AGPAT4: variants seen among roughly 807,000 people sequenced by gnomAD.
AGPAT4 encodes 1-acyl-sn-glycerol-3-phosphate acyltransferase delta.
AGPAT4 carries 15 observed loss-of-function variants against 48.0 expected under a neutral mutation model. The observed-to-expected ratio is 0.31, with a 90% CI of 0.21 to 0.48. The LOEUF (loss-of-function observed/expected upper bound fraction) is 0.48. AGPAT4 is among the 20% of genes least tolerant of loss of function. The pLI is 0.99. For missense variants in AGPAT4, 314 were observed against 482.5 expected, an observed-to-expected ratio of 0.65 and a Z score of 3.27; for synonymous variants, 178 against 198.7, an observed-to-expected ratio of 0.90 and a Z score of 0.88.
In AGPAT4 at chr6:161,139,743, G is replaced by T; in HGVS notation, c.844-123C>A. Reference sequence around the variant, plus strand: ...GTGCCACCGGGGCTCGGCAGAACTGGGGTCTGCAGCTCCTTCCAGAAAGCA... The same window carrying T: ...GTGCCACCGGGGCTCGGCAGAACTGTGGTCTGCAGCTCCTTCCAGAAAGCA... On this transcript the variant is annotated intron_variant, in intron 7 of 8. Coordinates refer to ENST00000320285, the MANE Select transcript of AGPAT4 (RefSeq NM_020133.3). This position sits in a 1 kb window ranked among gnomAD's most constrained non-coding sequence, Gnocchi z 9.1. 1.2e-6 allele frequency: 1 copy of T among 802,846 alleles called. No individual in the cohort carries two copies. Among genetic ancestry groups the T allele is most frequent in the Non-Finnish European group, 2.0e-6 (1 of 511,718 alleles). 49.7% of individuals were successfully genotyped at this position (802,846 alleles called of 1,614,324 possible).
chr6:161,273,323 C>A (rs1434316461), intron 1 of AGPAT4, among the ~76,000 whole-genome samples: 6 of 152,162 alleles, frequency 3.9e-5, no homozygotes, highest in African/African-American at 1.4e-4. Context: ...TCCCCCACCC[C>A]TCCTGTGATA....
rs983674724 is a variant in AGPAT4 at position 161,225,859 on chromosome 6, C to G, written c.178+6177G>C. On this transcript the variant is annotated intron_variant, in intron 2 of 8. Coordinates refer to ENST00000320285, the MANE Select transcript of AGPAT4 (RefSeq NM_020133.3). This position sits in a 1 kb window ranked among gnomAD's most constrained non-coding sequence, Gnocchi z 5.0. ...TTGCCTTTGGGTTAGAATCTTAGAGCCACAGGCAGAAGGAGGCCTAGGCGG... is the reference window on the plus strand; with the variant it reads ...TTGCCTTTGGGTTAGAATCTTAGAGGCACAGGCAGAAGGAGGCCTAGGCGG... 6.6e-6 allele frequency among the ~76,000 whole-genome samples: 1 copy of G among 152,208 alleles called. No homozygotes were observed. The highest frequency in any genetic ancestry group is 2.4e-5 in the African/African-American group (1 of 41,462).
chr6:161,156,511 G>A (rs908587333), intron 3 of AGPAT4, among the ~76,000 whole-genome samples: 1 of 152,216 alleles, frequency 6.6e-6, no homozygotes, highest in Non-Finnish European at 1.5e-5. Context: ...ACTGTGTAAT[G>A]GCTAGGCAAT....
Position 161,171,792 on chromosome 6 carries a change from C to T in AGPAT4, c.179-5375G>A, listed in dbSNP as rs1336243786. 2.0e-5 allele frequency among the ~76,000 whole-genome samples: 3 copies of T among 151,882 alleles called. No homozygotes were observed. Among genetic ancestry groups the T allele is most frequent in the South Asian group, 2.1e-4 (1 of 4,814 alleles). On this transcript the variant is annotated intron_variant, in intron 2 of 8. Transcript: ENST00000320285. This position sits in a 1 kb window ranked among gnomAD's most constrained non-coding sequence, Gnocchi z 4.4. ...GCAGGCACCTGTAGTCCCAGCTACT[C>T]GGGAGTCTGAGGCAGGAGAATGGCA...
At chr6:161,185,799 G>A (rs983630872) in intron 2 of AGPAT4, among the ~76,000 whole-genome samples, 1 of 152,180 alleles carries the variant, frequency 6.6e-6, no homozygotes, top group Non-Finnish European at 1.5e-5. Flanking sequence ...AGCCGGAAGA[G>A]AGACAAAGAC....
rs890791898 is a variant in AGPAT4 at position 161,240,061 on chromosome 6, A to G, written c.-89-7759T>C. The stretch of plus-strand genomic sequence containing the variant: ...AAGACCCACCAAATGGAATAGGTGA[A>G]GTGTCACTAAAATAGGTTTGCAGTA... On this transcript the variant is annotated intron_variant, in intron 1 of 8. Coordinates refer to ENST00000320285, the MANE Select transcript of AGPAT4 (RefSeq NM_020133.3). This position sits in a 1 kb window ranked among gnomAD's most constrained non-coding sequence, Gnocchi z 5.5. 3.9e-5 allele frequency among the ~76,000 whole-genome samples: 6 copies of G among 152,216 alleles called. No individual in the cohort carries two copies. Among genetic ancestry groups the G allele is most frequent in the African/African-American group, 1.4e-4 (6 of 41,450 alleles).
Position 161,140,064 on chromosome 6 carries a change from G to T in AGPAT4, c.844-444C>A, listed in dbSNP as rs557085309. Among the ~76,000 whole-genome samples, 2 of 152,302 alleles carry T rather than the reference G, an allele frequency of 1.3e-5. No homozygotes were observed. Among genetic ancestry groups the T allele is most frequent in the East Asian group, 3.9e-4 (2 of 5,170 alleles). On this transcript the variant is annotated intron_variant, in intron 7 of 8. Coordinates refer to ENST00000320285, the MANE Select transcript of AGPAT4 (RefSeq NM_020133.3). The surrounding 1 kb of genome is among the most constrained non-coding windows in gnomAD (Gnocchi z 6.5). ...GGGACACTCGGTGGAGACCTGGCCCGCAGTCAGGAGGAGCTCGCCCAGCCC... is the reference window on the plus strand; with the variant it reads ...GGGACACTCGGTGGAGACCTGGCCCTCAGTCAGGAGGAGCTCGCCCAGCCC...
chr6:161,213,914 T>C (rs1424403146), intron 2 of AGPAT4, among the ~76,000 whole-genome samples: 1 of 152,138 alleles, frequency 6.6e-6, no homozygotes, highest in Non-Finnish European at 1.5e-5. Context: ...AAAAATTTTT[T>C]AAAGTGGGGG....
rs576810672 is a variant in AGPAT4 at position 161,169,008 on chromosome 6, T to A, written c.179-2591A>T. Among the ~76,000 whole-genome samples the A allele has an allele frequency of 1.2e-4, 18 of 152,182 alleles. No individual in the cohort carries two copies. In the South Asian group the frequency reaches 3.1e-3, roughly 26 times the overall value. ...GACATGGGGCATAGCAGGCAATCAA[T>A]AAATGGACAGCTTTTTAATTACTAT... On this transcript the variant is annotated intron_variant, in intron 2 of 8. Transcript: ENST00000320285. This position sits in a 1 kb window ranked among gnomAD's most constrained non-coding sequence, Gnocchi z 5.0.
chr6:161,267,237 T>C lies in AGPAT4; in HGVS notation c.-90+6701A>G, dbSNP rs753912680. On this transcript the variant is annotated intron_variant, in intron 1 of 8. Coordinates refer to ENST00000320285, the MANE Select transcript of AGPAT4 (RefSeq NM_020133.3). The surrounding 1 kb of genome is among the most constrained non-coding windows in gnomAD (Gnocchi z 5.2). Reference sequence around the variant, plus strand: ...TTTCCCTTCTCCCACCATCTCTGGCTAAACCATAATAAAAACAACACTCCC... The same window carrying C: ...TTTCCCTTCTCCCACCATCTCTGGCCAAACCATAATAAAAACAACACTCCC... Among the ~76,000 whole-genome samples the C allele has an allele frequency of 5.3e-5, 8 of 152,214 alleles. No homozygotes were observed. Among genetic ancestry groups the C allele is most frequent in the African/African-American group, 1.4e-4 (6 of 41,460 alleles).
chr6:161,171,920 A>C lies in AGPAT4; in HGVS notation c.179-5503T>G, dbSNP rs1007737912. On this transcript the variant is annotated intron_variant, in intron 2 of 8. Transcript: ENST00000320285. This position sits in a 1 kb window ranked among gnomAD's most constrained non-coding sequence, Gnocchi z 4.4. ...ATCTCAAAAACAAAAAACAAAAAAC[A>C]AAAAACCAAAAGTTTCCAACACATG... Among the ~76,000 whole-genome samples, 1 of 151,540 alleles carries C rather than the reference A, an allele frequency of 6.6e-6. No individual in the cohort carries two copies. The highest frequency in any genetic ancestry group is 1.5e-5 in the Non-Finnish European group (1 of 67,978).
At position 161,266,112 on chromosome 6, in the gene AGPAT4, T is replaced by G. The variant is rs1420215122; in HGVS notation, c.-90+7826A>C. 2.0e-5 allele frequency among the ~76,000 whole-genome samples: 3 copies of G among 152,118 alleles called. No homozygotes were observed. Among genetic ancestry groups the G allele is most frequent in the Non-Finnish European group, 4.4e-5 (3 of 68,026 alleles). ...CTAGGGGATTTTTGGCTGTCACAAGTAGGAGTGGGGTGACTACTCCTGGCA... is the reference window on the plus strand; with the variant it reads ...CTAGGGGATTTTTGGCTGTCACAAGGAGGAGTGGGGTGACTACTCCTGGCA... On this transcript the variant is annotated intron_variant, in intron 1 of 8. Transcript: ENST00000320285. This position sits in a 1 kb window ranked among gnomAD's most constrained non-coding sequence, Gnocchi z 6.2.
rs1007310819 is a variant in AGPAT4, at chr6:161,242,727, A to G, written c.-89-10425T>C. Among the ~76,000 whole-genome samples the G allele has an allele frequency of 6.6e-6, 1 of 152,230 alleles. No homozygotes were observed. On this transcript the variant is annotated intron_variant, in intron 1 of 8. Transcript: ENST00000320285. The surrounding 1 kb of genome is among the most constrained non-coding windows in gnomAD (Gnocchi z 5.0). The stretch of plus-strand genomic sequence containing the variant: ...GATAAATCCAAACAGAAATGAAAAA[A>G]ATTAATCTTCCAAACAGGGGAAACG...
intron 1 of AGPAT4, among the ~76,000 whole-genome samples, chr6:161,239,204 T>C (rs548384649): frequency 2.7e-4 from 41 of 152,300 alleles, no homozygotes; most frequent in African/African-American, 8.9e-4. Flanking sequence ...AGGCAGATGG[T>C]ACCATATGCT....
In AGPAT4 at chr6:161,158,850, C is replaced by G. The variant is rs1452492295; in HGVS notation, c.349-4540G>C. Reference sequence around the variant, plus strand: ...GCATGGCTGGGAGCAGCAGGGTATCCTGCTCCTGCACCGCCTCCACCCCCA... The same window carrying G: ...GCATGGCTGGGAGCAGCAGGGTATCGTGCTCCTGCACCGCCTCCACCCCCA... On this transcript the variant is annotated intron_variant, in intron 3 of 8. Transcript: ENST00000320285. This position sits in a 1 kb window ranked among gnomAD's most constrained non-coding sequence, Gnocchi z 5.3. Among the ~76,000 whole-genome samples, 1 of 152,194 alleles carries G rather than the reference C, an allele frequency of 6.6e-6. No individual in the cohort carries two copies. Among genetic ancestry groups the G allele is most frequent in the Non-Finnish European group, 1.5e-5 (1 of 68,022 alleles).
intron 2 of AGPAT4, among the ~76,000 whole-genome samples, chr6:161,230,877 T>C (rs1215927288): frequency 6.6e-6 from 1 of 152,228 alleles, no homozygotes; most frequent in Non-Finnish European, 1.5e-5. Flanking sequence ...TCCAAAATAG[T>C]ATCAGGCCTA....
rs1780487634 is a variant in AGPAT4, at chr6:161,178,399, G to C, written c.179-11982C>G. ...GATCAGACTTCTGTGCTAGCAATGAGCAAGGCTCCGTGGGCGTCGGACCCT... is the reference window on the plus strand; with the variant it reads ...GATCAGACTTCTGTGCTAGCAATGACCAAGGCTCCGTGGGCGTCGGACCCT... On this transcript the variant is annotated intron_variant, in intron 2 of 8. Transcript: ENST00000320285. The surrounding 1 kb of genome is among the most constrained non-coding windows in gnomAD (Gnocchi z 5.1). Among the ~76,000 whole-genome samples the C allele has an allele frequency of 6.6e-6, 1 of 152,244 alleles. No individual in the cohort carries two copies.
In AGPAT4 at chr6:161,267,276, AG is replaced by A. The variant is rs1336229259; in HGVS notation, c.-90+6661del. 6.6e-6 allele frequency among the ~76,000 whole-genome samples: 1 copy of A among 152,208 alleles called. No homozygotes were observed. The highest frequency in any genetic ancestry group is 1.9e-4 in the East Asian group (1 of 5,196). The stretch of plus-strand genomic sequence containing the variant: ...AACAACACTCCCTGAAAACTATAGT[AG>A]CTTGTCTTATAAAGTACTGCTGTTA... On this transcript the variant is annotated intron_variant, in intron 1 of 8. Transcript: ENST00000320285. The surrounding 1 kb of genome is among the most constrained non-coding windows in gnomAD (Gnocchi z 5.2).
Position 161,134,598 on chromosome 6 carries a change from A to T in AGPAT4, c.*1942T>A, listed in dbSNP as rs936359815. 1 of 152,152 alleles carries T rather than the reference A, an allele frequency of 6.6e-6. No individual in the cohort carries two copies. Among genetic ancestry groups the T allele is most frequent in the African/African-American group, 2.4e-5 (1 of 41,422 alleles). The allele number at this position is 152,152 out of a possible 1,614,324, so 9.4% of individuals were successfully genotyped here. A position where few individuals can be genotyped will look rare whatever the true frequency, so the allele number is the denominator to read the frequency against. ...AGATGGGGAAATGAGTCAGCAAGGAAAAGTGTCTCACCCAAATCCTACAGC... is the reference window on the plus strand; with the variant it reads ...AGATGGGGAAATGAGTCAGCAAGGATAAGTGTCTCACCCAAATCCTACAGC... On this transcript the variant is annotated 3_prime_UTR_variant, in exon 9 of 9. Transcript: ENST00000320285.
Sources: allele counts gnomAD v4.1 joint callset (sites outside exome capture counted in the v4.1 genomes callset), GRCh38; gene constraint gnomAD v4.1.1; non-coding constraint Gnocchi (gnomAD v3.1); transcripts MANE v1.5; gene names NCBI Gene and HGNC (gene_info 2026-07-23, HGNC 2026-07-21).